Variants in AOPEP observed in about 807,000 individuals in gnomAD.
AOPEP encodes the protein aminopeptidase O.
In AOPEP, 77 loss-of-function variants were observed where a neutral mutation model predicts 98.1. The ratio of observed to expected loss-of-function variants is 0.78; its 90% CI spans 0.65 to 0.95. The LOEUF (loss-of-function observed/expected upper bound fraction) is 0.95, where lower values mean the gene tolerates loss of function less well. Ranked by LOEUF, AOPEP falls within the 40% of genes least tolerant of loss-of-function variation. The pLI, the probability that AOPEP is intolerant of heterozygous loss-of-function variation, is 0.00. For missense variants in AOPEP, 1,024 were observed against 1,024.7 expected (o/e 1.00, Z 0.01); for synonymous variants, 346 against 365.3 (o/e 0.95, Z 0.60).
chr9:94,863,623 C>T (rs1223904857), intron 5 of AOPEP, among the ~76,000 whole-genome samples: 5 of 151,882 alleles, frequency 3.3e-5, no homozygotes, highest in Non-Finnish European at 2.9e-5. Flanking sequence ...GCCATGTTGG[C>T]CAGGCTAGTC....
chr9:94,884,667 C>T (rs1407879980), intron 5 of AOPEP, among the ~76,000 whole-genome samples: 1 of 152,152 alleles, frequency 6.6e-6, no homozygotes, highest in Non-Finnish European at 1.5e-5. Flanking sequence ...ACTACCATAC[C>T]TATCTCACAG....
intron 5 of AOPEP, among the ~76,000 whole-genome samples, chr9:94,848,969 G>A (rs757922874): frequency 4.6e-5 from 7 of 152,062 alleles, no homozygotes; most frequent in Non-Finnish European, 7.4e-5. Context: ...TAGTAGAGAC[G>A]GGTTTTACCA....
intron 7 of AOPEP, among the ~76,000 whole-genome samples, chr9:94,936,225 T>G (rs1472762090): frequency 6.6e-6 from 1 of 152,096 alleles, no homozygotes; most frequent in African/African-American, 2.4e-5. Flanking sequence ...CTCCAAAAGC[T>G]TCCCCTCACC....
chr9:94,967,642 C>G (rs1178754515), intron 9 of AOPEP, 116 bp from the exon 10 acceptor site: 4 of 784,032 alleles, frequency 5.1e-6, no homozygotes, highest in African/African-American at 1.7e-5. Flanking sequence ...CAGCATAGGT[C>G]TAGCTTCTCA....
At chr9:94,967,178 T>G (rs1001445281) in intron 9 of AOPEP, among the ~76,000 whole-genome samples, 2 of 149,920 alleles carry the variant, frequency 1.3e-5, no homozygotes, top group African/African-American at 5.1e-5. Flanking sequence ...TTTAAAAAAC[T>G]TATCATCTAA....
At chr9:95,027,793 T>C (rs567841669) in intron 13 of AOPEP, among the ~76,000 whole-genome samples, 1 of 152,356 alleles carries the variant, frequency 6.6e-6, no homozygotes, top group South Asian at 2.1e-4. Flanking sequence ...TACTACGTTT[T>C]CAAGTCCAAA....
intron 13 of AOPEP, among the ~76,000 whole-genome samples, chr9:95,058,925 G>A (rs954321848): frequency 6.6e-6 from 1 of 152,192 alleles, no homozygotes; most frequent in African/African-American, 2.4e-5. Flanking sequence ...AGGAGAAGGA[G>A]GGCAGAGGGA....
chr9:94,860,387 G>A (rs966318264), intron 5 of AOPEP, among the ~76,000 whole-genome samples: 4 of 151,150 alleles, frequency 2.6e-5, no homozygotes, highest in African/African-American at 4.8e-5. Context: ...GCAGGTTTAA[G>A]CAGTGGCAAG....
intron 7 of AOPEP, among the ~76,000 whole-genome samples, chr9:94,938,332 C>G (rs1200744748): frequency 6.6e-6 from 1 of 152,204 alleles, no homozygotes; most frequent in African/African-American, 2.4e-5. Context: ...GACATGATGT[C>G]TGTCCCTGAG....
intron 11 of AOPEP, among the ~76,000 whole-genome samples, chr9:94,991,889 A>G (rs1207900800): frequency 6.6e-6 from 1 of 152,218 alleles, no homozygotes; most frequent in South Asian, 2.1e-4. Flanking sequence ...GTGATTGTAT[A>G]TAGAGATTAG....
At chr9:95,113,524 C>T in the AOPEP span, among the ~76,000 whole-genome samples, 3 of 151,818 alleles carry the variant, frequency 2.0e-5, no homozygotes, top group South Asian at 2.1e-4. Flanking sequence ...CCAGGCACAG[C>T]GGTCCACACC....
chr9:94,932,300 A>C (rs2055458549), intron 7 of AOPEP: 1 of 983,886 alleles, frequency 1.0e-6, no homozygotes, highest in African/African-American at 1.7e-5. Context: ...GGAACATTCA[A>C]CATTCTCTTG....
chr9:94,794,070 C>T (rs576416127), intron 4 of AOPEP, among the ~76,000 whole-genome samples: 12 of 152,274 alleles, frequency 7.9e-5, no homozygotes, highest in Non-Finnish European at 1.6e-4. Context: ...GGGAATCCTG[C>T]TTGGTCAGGG....
chr9:94,926,823 G>A (rs2054420247), intron 6 of AOPEP, among the ~76,000 whole-genome samples: 1 of 152,178 alleles, frequency 6.6e-6, no homozygotes, highest in African/African-American at 2.4e-5. Context: ...CGGGGGACAT[G>A]TGAAATCTCA....
chr9:94,792,588 C>T (rs751721617), intron 3 of AOPEP, among the ~76,000 whole-genome samples, 177 bp from the exon 4 acceptor site: 1 of 152,088 alleles, frequency 6.6e-6, no homozygotes, highest in Non-Finnish European at 1.5e-5. Flanking sequence ...GCCATCATCC[C>T]TCCTGTGCTT....
At chr9:95,091,353 C>T (rs2070864226), downstream of AOPEP, among the ~76,000 whole-genome samples, 1 of 152,184 alleles carries the variant, frequency 6.6e-6, no homozygotes, top group East Asian at 1.9e-4. Flanking sequence ...GCGCAGGGCC[C>T]ACCACACCCC....
intron 5 of AOPEP, among the ~76,000 whole-genome samples, chr9:94,899,179 CTTTTTTT>C (rs1164742981): frequency 1.5e-4 from 9 of 59,746 alleles, no homozygotes; most frequent in Admixed American, 8.8e-4. Context: ...TCTTCATTTG[CTTTTTTT>C]TTTTTTTTTT....
intron 7 of AOPEP, among the ~76,000 whole-genome samples, chr9:94,950,538 T>C (rs990231992): frequency 3.3e-5 from 5 of 152,200 alleles, no homozygotes; most frequent in African/African-American, 1.2e-4. Context: ...ATGGGCACTG[T>C]TGGCCAGTCT....
chr9:94,778,403 A>T (rs552702127), intron 3 of AOPEP, among the ~76,000 whole-genome samples: 2 of 152,034 alleles, frequency 1.3e-5, no homozygotes, highest in Non-Finnish European at 2.9e-5. Flanking sequence ...TGGATAAACA[A>T]ATTATGGTTT....
Sources: allele counts gnomAD v4.1 joint callset (sites outside exome capture counted in the v4.1 genomes callset), GRCh38; gene constraint gnomAD v4.1.1; transcripts MANE v1.5; gene names NCBI Gene and HGNC (gene_info 2026-07-23, HGNC 2026-07-21).